The following PDE1B variants were observed in gnomAD, a reference collection of about 807,000 sequenced individuals.
PDE1B encodes the protein phosphodiesterase 1B, also known as dual specificity calcium/calmodulin-dependent 3',5'-cyclic nucleotide phosphodiesterase 1B.
Under a neutral mutation model 66.7 loss-of-function variants are expected in PDE1B, and 13 were observed. The ratio of observed to expected loss-of-function variants is 0.19; its 90% CI spans 0.13 to 0.31. PDE1B has a LOEUF of 0.31. Among genes scored for constraint, PDE1B ranks in the 10% least tolerant of loss-of-function variants. The probability of loss-of-function intolerance (pLI) is 1.00; values close to 1 mark genes in which losing one functional copy is unlikely to be tolerated. For synonymous variants in PDE1B, 230 were observed against 253.9 expected (o/e 0.91, Z 0.90); for missense variants, 485 against 682.3 (o/e 0.71, Z 3.22).
At chr12:54,550,285 G>T in intron 2 of PDE1B, 1 of 1,210,856 alleles carries the variant, frequency 8.3e-7, no homozygotes, top group Non-Finnish European at 1.0e-6. Flanking sequence ...CAGTGTGGCA[G>T]GGCTGCAGGA....
chr12:54,564,645 A>G (rs1222444842), intron 2 of PDE1B, among the ~76,000 whole-genome samples: 2 of 139,982 alleles, frequency 1.4e-5, no homozygotes, highest in African/African-American at 6.5e-5. Flanking sequence ...ACAAACAAAC[A>G]AAAAAAAACA....
rs553682843 is a variant in PDE1B at position 54,562,992 on chromosome 12, C to T, written c.114-3982C>T. Among the ~76,000 whole-genome samples, 6 of 152,336 alleles carry T rather than the reference C, an allele frequency of 3.9e-5. No individual in the cohort carries two copies. In the South Asian group the frequency reaches 1.2e-3, roughly 32 times the overall value. On this transcript the variant is annotated intron_variant, in intron 2 of 15. Transcript: ENST00000243052. ...CTTGAAGTCAACCTACAACCTTACT[C>T]TTCTCAGGCTCACTGTTATTTTTAG... is the stretch of plus-strand genomic sequence containing the variant.
At chr12:54,576,388 G>A in intron 13 of PDE1B, 183 bp from the exon 14 acceptor site, 2 of 657,178 alleles carry the variant, frequency 3.0e-6, no homozygotes, top group Non-Finnish European at 2.6e-6. Context: ...AAGATGTGGA[G>A]AGGGAGGGGT....
At chr12:54,559,413 C>T (rs925936559) in intron 2 of PDE1B, among the ~76,000 whole-genome samples, 1 of 151,902 alleles carries the variant, frequency 6.6e-6, no homozygotes, top group Non-Finnish European at 1.5e-5. Flanking sequence ...CATACTGGAC[C>T]CTTTGTTGAG....
chr12:54,552,066 G>A (rs549716474), intron 2 of PDE1B, among the ~76,000 whole-genome samples: 2 of 152,294 alleles, frequency 1.3e-5, no homozygotes, highest in African/African-American at 2.4e-5. Flanking sequence ...CCAGTCTTAC[G>A]TCCTTAAAGC....
chr12:54,569,704 T>C lies in PDE1B; in HGVS notation c.477+92T>C. The C allele has an allele frequency of 1.2e-6, 1 of 838,284 alleles. No homozygotes were observed. The highest frequency in any genetic ancestry group is 1.9e-6 in the Non-Finnish European group (1 of 514,006). The allele number at this position is 838,284 out of a possible 1,614,324, so 51.9% of individuals were successfully genotyped here. On this transcript the variant is annotated intron_variant, in intron 5 of 15. Transcript: ENST00000243052. The surrounding 1 kb of genome is among the most constrained non-coding windows in gnomAD (Gnocchi z 4.4). ...CCCTGTTTATGGCATTATTTTTGCC[T>C]TCCTTTTTTTTTTTTGAAATGGAGT...
At position 54,573,358 on chromosome 12, in the gene PDE1B, A is replaced by G. The variant is rs917348502; in HGVS notation, c.840A>G (p.Ser280=). ...TTNSFHIQTK[S]ECAIVYNDRS... is the part of the protein sequence containing the mutation. Reference sequence around the variant, plus strand: ...ATGATGACCTTTGGCTTTGTAGGTCAGAATGTGCCATCGTGTACAATGATC... The same window carrying G: ...ATGATGACCTTTGGCTTTGTAGGTCGGAATGTGCCATCGTGTACAATGATC... Residue 280 remains serine, a synonymous_variant, in exon 9 of 16, where the codon TCA becomes TCG. Transcript: ENST00000243052. The surrounding 1 kb of genome is among the most constrained non-coding windows in gnomAD (Gnocchi z 5.2). 8 of 1,614,086 alleles carry G rather than the reference A, an allele frequency of 5.0e-6. No individual in the cohort carries two copies. Among genetic ancestry groups the G allele is most frequent in the Admixed American group, 1.7e-5 (1 of 60,004 alleles).
Position 54,549,788 on chromosome 12 carries a change from G to T in PDE1B, c.-14+16G>T. 10 of 1,075,260 alleles carry T rather than the reference G, an allele frequency of 9.3e-6. No individual in the cohort carries two copies. The South Asian group carries it at 1.4e-4, about 15-fold the overall frequency. 66.6% of individuals were successfully genotyped at this position (1,075,260 alleles called of 1,614,324 possible). On this transcript the variant is annotated intron_variant, in intron 1 of 15. Transcript: ENST00000243052. ...CCAGCCGCAGGTGGGAAGGGCCTGGGATGGGGGGTGAGGGTCTCTCGGCTG... is the reference window on the plus strand; with the variant it reads ...CCAGCCGCAGGTGGGAAGGGCCTGGTATGGGGGGTGAGGGTCTCTCGGCTG...
rs1263793166 is a variant in PDE1B at position 54,578,198 on chromosome 12, T to G, written c.*356T>G. ...GGAAGGGTCAGAGATGCCAGCCCCC[T>G]GGGACCTCCCCCATCCTTTTTGCCT... On this transcript the variant is annotated 3_prime_UTR_variant, in exon 16 of 16. Transcript: ENST00000243052. The G allele has an allele frequency of 6.6e-6, 1 of 152,258 alleles. No homozygotes were observed. The highest frequency in any genetic ancestry group is 2.4e-5 in the African/African-American group (1 of 41,442). The allele number at this position is 152,258 out of a possible 1,614,324, so 9.4% of individuals were successfully genotyped here.
intron 13 of PDE1B, 136 bp from the exon 14 acceptor site, chr12:54,576,435 T>C: frequency 1.0e-6 from 1 of 961,550 alleles, no homozygotes; most frequent in Non-Finnish European, 1.6e-6. Context: ...TTGGGGAATA[T>C]CTAGTAGAGG....
intron 2 of PDE1B, among the ~76,000 whole-genome samples, chr12:54,565,924 G>A (rs1382501413): frequency 6.6e-6 from 1 of 152,176 alleles, no homozygotes; most frequent in Non-Finnish European, 1.5e-5. Flanking sequence ...CTCATAGGGT[G>A]ACCTTGGGTT....
intron 2 of PDE1B, among the ~76,000 whole-genome samples, 191 bp from the exon 3 acceptor site, chr12:54,566,777 ATAAACT>A (rs1228838271): frequency 2.0e-5 from 3 of 152,232 alleles, no homozygotes; most frequent in Admixed American, 6.5e-5. Context: ...TTGGGTGTAG[ATAAACT>A]TAATACAGGC....
In PDE1B at chr12:54,569,217, G is replaced by C; in HGVS notation, c.261G>C (p.Glu87Asp). ...TGGACACGGAGGACGAGCTGCAGGA[G>C]CTGCGGTCAGATGCCGTGCCTTCGG... The part of the protein sequence containing the change: ...QILDTEDELQ[E>D]LRSDAVPSEV... Residue 87 changes from glutamate (E) to aspartate (D), a missense_variant, in exon 4 of 16, where the codon GAG becomes GAC. Glu to Asp is a conservative substitution (Grantham distance 45). Coordinates refer to ENST00000243052, the MANE Select transcript of PDE1B (RefSeq NM_000924.4). The surrounding 1 kb of genome is among the most constrained non-coding windows in gnomAD (Gnocchi z 4.4). 1 of 1,611,598 alleles carries C rather than the reference G, an allele frequency of 6.2e-7. No individual in the cohort carries two copies. Among genetic ancestry groups the C allele is most frequent in the Non-Finnish European group, 8.5e-7 (1 of 1,178,286 alleles).
rs914472371 is a variant in PDE1B, at chr12:54,569,702, C to T, written c.477+90C>T. ...GACCCTGTTTATGGCATTATTTTTG[C>T]CTTCCTTTTTTTTTTTTGAAATGGA... On this transcript the variant is annotated intron_variant, in intron 5 of 15. Coordinates refer to ENST00000243052, the MANE Select transcript of PDE1B (RefSeq NM_000924.4). This position sits in a 1 kb window ranked among gnomAD's most constrained non-coding sequence, Gnocchi z 4.4. 1 of 891,178 alleles carries T rather than the reference C, an allele frequency of 1.1e-6. No individual in the cohort carries two copies. The highest frequency in any genetic ancestry group is 1.4e-5 in the South Asian group (1 of 69,210). 55.2% of individuals were successfully genotyped at this position (891,178 alleles called of 1,614,324 possible).
Position 54,575,572 on chromosome 12 carries a change from G to A in PDE1B, c.1207G>A (p.Gly403Ser). 6.2e-7 allele frequency: 1 copy of A among 1,613,410 alleles called. No individual in the cohort carries two copies. Among genetic ancestry groups the A allele is most frequent in the Non-Finnish European group, 8.5e-7 (1 of 1,179,530 alleles). ...CTAGGGTGACAAGGAGGCAGAGTTG[G>A]GCCTGCCCTTTTCTCCACTCTGTGA... ...FRQGDKEAELGLPFSPLCDRT... is the reference protein window; with the variant it reads ...FRQGDKEAELSLPFSPLCDRT... The change falls in exon 12 of 16, where the codon GGC becomes AGC. Residue 403 changes from glycine to serine, a missense_variant. Transcript: ENST00000243052. This position sits in a 1 kb window ranked among gnomAD's most constrained non-coding sequence, Gnocchi z 4.0.
chr12:54,565,827 C>T (rs912045865), intron 2 of PDE1B, among the ~76,000 whole-genome samples: 4 of 152,162 alleles, frequency 2.6e-5, no homozygotes, highest in Non-Finnish European at 5.9e-5. Flanking sequence ...TGTTCAGGAA[C>T]GCCATTGTTC....
At position 54,566,984 on chromosome 12, in the gene PDE1B, A is replaced by G. The variant is rs139920915; in HGVS notation, c.124A>G (p.Met42Val). ...ATCTGCTCCCTGCAGGCTGCGCTAC[A>G]TGGTGAAGCAGTTGGAGAATGGGGA... ...WIKLRSLLRY[M>V]VKQLENGEIN... Residue 42 changes from methionine (M) to valine (V), a missense_variant, in exon 3 of 16, where the codon ATG (methionine) becomes GTG (valine). Met to Val is a conservative substitution (Grantham distance 21). Around this residue, in one of 4 missense-constraint regions of PDE1B, gnomAD observed 74 missense variants for 78.7 expected, o/e 0.94. Coordinates refer to ENST00000243052, the MANE Select transcript of PDE1B (RefSeq NM_000924.4). The G allele has an allele frequency of 2.5e-6, 4 of 1,608,290 alleles. No homozygotes were observed. In the African/African-American group the frequency reaches 4.0e-5, roughly 16 times the overall value.
intron 2 of PDE1B, chr12:54,561,734 A>T: frequency 1.2e-6 from 1 of 814,672 alleles, no homozygotes; most frequent in Non-Finnish European, 2.0e-6. Flanking sequence ...AGAGATCAAG[A>T]CCTGGCAGTC....
At position 54,566,961 on chromosome 12, in the gene PDE1B, C is replaced by T; in HGVS notation, c.114-13C>T. On this transcript the variant is annotated splice_polypyrimidine_tract_variant and intron_variant, in intron 2 of 15. Transcript: ENST00000243052. Reference sequence around the variant, plus strand: ...CTGTGCCTAAGCAGCCTCTCTGTATCTGCTCCCTGCAGGCTGCGCTACATG... The same window carrying T: ...CTGTGCCTAAGCAGCCTCTCTGTATTTGCTCCCTGCAGGCTGCGCTACATG... 1 of 1,524,974 alleles carries T rather than the reference C, an allele frequency of 6.6e-7. No individual in the cohort carries two copies. The highest frequency in any genetic ancestry group is 9.1e-7 in the Non-Finnish European group (1 of 1,101,916). The allele number at this position is 1,524,974 out of a possible 1,614,324, so 94.5% of individuals were successfully genotyped here. A position where few individuals can be genotyped will look rare whatever the true frequency, so the allele number is the denominator to read the frequency against.
Sources: gnomAD v4.1 joint callset for allele counts (sites outside exome capture counted in the v4.1 genomes callset) on GRCh38, gnomAD v4.1.1 for gene constraint, gnomAD v4.1.1 regional missense constraint, Gnocchi (gnomAD v3.1) non-coding constraint, MANE v1.5 for transcripts, NCBI Gene and HGNC (gene_info 2026-07-23, HGNC 2026-07-21) for gene names.